SORBS2: variants seen among roughly 807,000 people sequenced by gnomAD.
The protein encoded by SORBS2 is sorbin and SH3 domain containing 2.
In SORBS2, 46 loss-of-function variants were observed where a neutral mutation model predicts 97.7. The ratio of observed to expected loss-of-function variants is 0.47; its 90% CI spans 0.37 to 0.60. The LOEUF is 0.60. SORBS2 is among the 20% of genes least tolerant of loss of function. The pLI is 0.00. For synonymous variants in SORBS2, 476 were observed against 473.4 expected (o/e 1.01, Z -0.07); for missense variants, 1,316 against 1,282.3 (o/e 1.03, Z -0.40).
At chr4:185,855,159 C>A (rs183243985) in intron 1 of SORBS2, among the ~76,000 whole-genome samples, 3 of 152,304 alleles carry the variant, frequency 2.0e-5, no homozygotes, top group Non-Finnish European at 4.4e-5. Flanking sequence ...GAAATACAGT[C>A]TTACATTCTC....
exon 7 of SORBS2, chr4:185,624,390 C>G: frequency 6.2e-7 from 1 of 1,614,168 alleles, no homozygotes; most frequent in South Asian, 1.1e-5. Context: ...CGAGGGACAT[C>G]CAAGTGCTGT....
chr4:185,599,381 C>T (rs9996986), intron 12 of SORBS2, among the ~76,000 whole-genome samples: 32,709 of 152,042 alleles, frequency 0.22, 6,782 homozygotes, highest in African/African-American at 0.54. Flanking sequence ...ACTGTAGATA[C>T]TATGGAACGA....
intron 4 of SORBS2, 77 bp from the exon 17 acceptor site, chr4:185,630,675 G>A (rs2096892011): frequency 1.3e-6 from 1 of 746,448 alleles, no homozygotes; most frequent in Middle Eastern, 2.8e-4. Flanking sequence ...ATTAAATTAG[G>A]TATCCTAAAA....
intron 1 of SORBS2, among the ~76,000 whole-genome samples, chr4:185,861,053 ACATTTTGGGGTAAAATACTT>A (rs2099223425): frequency 6.6e-6 from 1 of 152,230 alleles, no homozygotes; most frequent in African/African-American, 2.4e-5. Context: ...TCAAAGAAAT[ACATTTTGGGGTAAAATACTT>A]CAACTTCTTT....
At chr4:185,635,885 G>T (rs1371055864) in intron 4 of SORBS2, among the ~76,000 whole-genome samples, 1 of 151,738 alleles carries the variant, frequency 6.6e-6, no homozygotes, top group Non-Finnish European at 1.5e-5. Context: ...TTGAGACAGG[G>T]TTTCACTCTG....
chr4:185,626,822 C>T lies in SORBS2; in HGVS notation c.634+10G>A. 6.2e-7 allele frequency: 1 copy of T among 1,613,692 alleles called. No homozygotes were observed. Among genetic ancestry groups the T allele is most frequent in the Non-Finnish European group, 8.5e-7 (1 of 1,179,564 alleles). On this transcript the variant is annotated intron_variant, in intron 6 of 14. Transcript: ENST00000418609. ...TAGTAAATTGTTGTGTTTTCATTTA[C>T]TATGCTCACCTTTTGCTCTTGATGG... is the stretch of plus-strand genomic sequence containing the variant.
intron 4 of SORBS2, among the ~76,000 whole-genome samples, chr4:185,640,468 A>AC (rs2097108079): frequency 6.6e-6 from 1 of 152,206 alleles, no homozygotes; most frequent in Admixed American, 6.5e-5. Flanking sequence ...ACATCCTACT[A>AC]TTAGACATAG....
intron 1 of SORBS2, among the ~76,000 whole-genome samples, chr4:185,799,492 G>C (rs2099120574): frequency 6.6e-6 from 1 of 152,216 alleles, no homozygotes; most frequent in African/African-American, 2.4e-5. Flanking sequence ...ACGAGCATTA[G>C]AGTCCCGCTG....
intron 12 of SORBS2, among the ~76,000 whole-genome samples, chr4:185,595,078 C>T (rs909424446): frequency 6.6e-6 from 1 of 152,144 alleles, no homozygotes; most frequent in Non-Finnish European, 1.5e-5. Context: ...AGGTTCCTTT[C>T]AGTCTACGAG....
chr4:185,880,267 T>C (rs1413687457), intron 1 of SORBS2, among the ~76,000 whole-genome samples: 1 of 152,196 alleles, frequency 6.6e-6, no homozygotes, highest in Non-Finnish European at 1.5e-5. Flanking sequence ...TTAATGTTAG[T>C]CTAGATGGTT....
chr4:185,782,489 G>A (rs1051605420), intron 1 of SORBS2, among the ~76,000 whole-genome samples: 3 of 152,112 alleles, frequency 2.0e-5, no homozygotes, highest in Non-Finnish European at 2.9e-5. Context: ...TTCTGATTAG[G>A]GTTATTGAGA....
At chr4:185,918,706 C>T (rs975503737) in intron 1 of SORBS2, among the ~76,000 whole-genome samples, 1 of 152,210 alleles carries the variant, frequency 6.6e-6, no homozygotes, top group African/African-American at 2.4e-5. Context: ...ATAGCTCTTG[C>T]ATTTGCCTTA....
At chr4:185,873,360 G>C (rs547120760) in intron 1 of SORBS2, among the ~76,000 whole-genome samples, 1 of 152,280 alleles carries the variant, frequency 6.6e-6, no homozygotes, top group South Asian at 2.1e-4. Context: ...TCCCCTGAGT[G>C]CTAGCTGCCA....
At chr4:185,869,035 C>T (rs745967427) in intron 1 of SORBS2, among the ~76,000 whole-genome samples, 1 of 152,112 alleles carries the variant, frequency 6.6e-6, no homozygotes, top group South Asian at 2.1e-4. Flanking sequence ...CAAGAACTTG[C>T]CTTTGGTGGT....
At chr4:185,874,961 T>C (rs2099232648) in intron 1 of SORBS2, among the ~76,000 whole-genome samples, 1 of 151,906 alleles carries the variant, frequency 6.6e-6, no homozygotes. Flanking sequence ...ATTTTTATTA[T>C]GGAATATCTG....
chr4:185,620,100 C>T, exon 8 of SORBS2: 2 of 1,612,604 alleles, frequency 1.2e-6, no homozygotes, highest in Non-Finnish European at 1.7e-6. Context: ...CCTTGGTGCA[C>T]TTCTCCCCAT....
chr4:185,656,124 A>C (rs1030711109), intron 1 of SORBS2, among the ~76,000 whole-genome samples: 15 of 152,242 alleles, frequency 9.9e-5, no homozygotes, highest in Admixed American at 3.9e-4. Flanking sequence ...TCATAAAATG[A>C]AGAATATTGG....
chr4:185,854,314 C>A (rs1439924482), intron 1 of SORBS2, among the ~76,000 whole-genome samples: 1 of 152,154 alleles, frequency 6.6e-6, no homozygotes, highest in Non-Finnish European at 1.5e-5. Context: ...AAATCTAACT[C>A]TAAGAGGTCA....
intron 1 of SORBS2, among the ~76,000 whole-genome samples, chr4:185,889,236 C>G (rs910255979): frequency 1.3e-5 from 2 of 152,216 alleles, no homozygotes; most frequent in Admixed American, 1.3e-4. Flanking sequence ...CTCAATCAAT[C>G]CCTCTCTGTT....
Sources: gnomAD v4.1 joint callset for allele counts (sites outside exome capture counted in the v4.1 genomes callset) on GRCh38, gnomAD v4.1.1 for gene constraint, MANE v1.5 for transcripts, NCBI Gene and HGNC (gene_info 2026-07-23, HGNC 2026-07-21) for gene names.